Variants in GALC observed in about 807,000 individuals in gnomAD.
GALC encodes the protein galactosylceramidase, also known as galactocerebrosidase.
GALC carries 77 observed loss-of-function variants against 91.8 expected under a neutral mutation model. The observed-to-expected ratio is 0.84, with a 90% confidence interval of 0.70 to 1.01. The LOEUF (loss-of-function observed/expected upper bound fraction) is 1.01. Ranked by LOEUF, GALC falls within the 50% of genes least tolerant of loss-of-function variation. GALC has a pLI of 0.00. For missense variants in GALC, 882 were observed against 855.9 expected (o/e 1.03, Z -0.38); for synonymous variants, 357 against 306.7 (o/e 1.16, Z -1.71).
At chr14:87,949,996 A>T in intron 11 of GALC, 65 bp from the exon 12 acceptor site, 1 of 812,044 alleles carries the variant, frequency 1.2e-6, no homozygotes, top group Admixed American at 1.7e-5. Flanking sequence ...GGATTTCCAA[A>T]ATCAGTACCA....
rs1361659728 is a variant in GALC at position 87,962,636 on chromosome 14, G to A, written c.1161+748C>T. 7.4e-5 allele frequency among the ~76,000 whole-genome samples: 11 copies of A among 148,900 alleles called. No homozygotes were observed. The East Asian group carries it at 2.2e-3, about 30-fold the overall frequency. ...ACACACACACACACCATTTTTTTAAGGCTACTCTGTTCTCTGTTTTGGATC... is the reference window on the plus strand; with the variant it reads ...ACACACACACACACCATTTTTTTAAAGCTACTCTGTTCTCTGTTTTGGATC... On this transcript the variant is annotated intron_variant, in intron 10 of 16. Coordinates refer to ENST00000261304, the MANE Select transcript of GALC (RefSeq NM_000153.4).
In GALC at chr14:87,950,886, T is replaced by A. The variant is rs1325268735; in HGVS notation, c.1162-138A>T. The A allele has an allele frequency of 3.4e-5, 21 of 619,180 alleles. No individual in the cohort carries two copies. In the South Asian group the frequency reaches 4.0e-4, roughly 12 times the overall value. The allele number at this position is 619,180 out of a possible 1,614,324, so 38.4% of individuals were successfully genotyped here. A position where few individuals can be genotyped will look rare whatever the true frequency, so the allele number is the denominator to read the frequency against. On this transcript the variant is annotated intron_variant, in intron 10 of 16. Coordinates refer to ENST00000261304, the MANE Select transcript of GALC (RefSeq NM_000153.4). ...CAAATATGAGTTTATTTCACATTTT[T>A]AAAGACTTTTTTACAATATAATATT...
intron 10 of GALC, chr14:87,953,144 T>G: frequency 1.4e-6 from 2 of 1,471,096 alleles, no homozygotes; most frequent in East Asian, 2.3e-5. Flanking sequence ...ACACAGTAGA[T>G]AAGCCAAGGT....
Position 87,934,233 on chromosome 14 carries a change from A to AT in GALC, c.*498dup. The AT allele has an allele frequency of 7.3e-7, 1 of 1,371,890 alleles. No homozygotes were observed. The highest frequency in any genetic ancestry group is 1.5e-5 in the African/African-American group (1 of 68,242). The allele number at this position is 1,371,890 out of a possible 1,614,324, so 85.0% of individuals were successfully genotyped here. A position where few individuals can be genotyped will look rare whatever the true frequency, so the allele number is the denominator to read the frequency against. On this transcript the variant is annotated 3_prime_UTR_variant, in exon 17 of 17. Transcript: ENST00000261304. ...AAAAATACTTTTTAGAGCATAAAGC[A>AT]TAACAGGTTGAAGTGGTTTTCAAAA... is the stretch of plus-strand genomic sequence containing the variant.
chr14:87,946,887 T>C (rs918574620), intron 13 of GALC, among the ~76,000 whole-genome samples: 2 of 151,832 alleles, frequency 1.3e-5, no homozygotes, highest in Non-Finnish European at 2.9e-5. Context: ...TCCAGCCAAC[T>C]AGATCATTTC....
intron 13 of GALC, among the ~76,000 whole-genome samples, chr14:87,946,990 G>C (rs1021766177): frequency 3.3e-5 from 5 of 151,866 alleles, no homozygotes; most frequent in African/African-American, 1.2e-4. Context: ...GCAGCAAACA[G>C]GAGCTTCAAG....
intron 1 of GALC, 63 bp downstream of exon 1, chr14:87,992,907 G>A: frequency 6.8e-7 from 1 of 1,460,002 alleles, no homozygotes; most frequent in Non-Finnish European, 9.0e-7. Context: ...GGGGGCTTGT[G>A]GGGCTGGCCC....
At chr14:87,988,677 T>C (rs1887072396) in intron 1 of GALC, among the ~76,000 whole-genome samples, 154 bp from the exon 2 acceptor site, 1 of 152,232 alleles carries the variant, frequency 6.6e-6, no homozygotes, top group Non-Finnish European at 1.5e-5. Flanking sequence ...GTCTGCCCTT[T>C]CTGTGCCAAT....
chr14:87,934,003 GA>G lies in GALC; in HGVS notation c.*728del. 1 of 1,534,112 alleles carries G rather than the reference GA, an allele frequency of 6.5e-7. No homozygotes were observed. Among genetic ancestry groups the G allele is most frequent in the Non-Finnish European group, 8.7e-7 (1 of 1,145,648 alleles). ...TTTTCTTCCTTCTTCCAGCCACCTG[GA>G]AAAACGTTCACAGAGAGTTATAGTG... On this transcript the variant is annotated 3_prime_UTR_variant, in exon 17 of 17. Transcript: ENST00000261304.
At chr14:87,978,606 T>C (rs972912344) in intron 6 of GALC, among the ~76,000 whole-genome samples, 1 of 152,234 alleles carries the variant, frequency 6.6e-6, no homozygotes, top group African/African-American at 2.4e-5. Context: ...ATTATGTTTT[T>C]GTTTTGGAAC....
chr14:87,954,228 A>C, intron 10 of GALC: 1 of 1,541,144 alleles, frequency 6.5e-7, no homozygotes, highest in South Asian at 1.1e-5. Flanking sequence ...GAGGGTGAAC[A>C]GTATAGACTT....
At chr14:87,945,514 G>GT (rs1885035698) in intron 14 of GALC, 39 bp downstream of exon 14, 6 of 1,403,312 alleles carry the variant, frequency 4.3e-6, no homozygotes, top group Non-Finnish European at 6.1e-6. Flanking sequence ...TATTACAAGG[G>GT]TATTTCAGCC....
chr14:87,940,054 G>T, intron 15 of GALC, 73 bp from the exon 16 acceptor site: 1 of 1,190,014 alleles, frequency 8.4e-7, no homozygotes. Flanking sequence ...AATTCAGTGG[G>T]GTTCTTGAGT....
Position 87,993,093 on chromosome 14 carries a change from C to G in GALC, c.72G>C (p.Ala24=), listed in dbSNP as rs1184434539. 1 of 1,585,760 alleles carries G rather than the reference C, an allele frequency of 6.3e-7. No individual in the cohort carries two copies. Residue 24 remains alanine, a synonymous_variant, in exon 1 of 17, where the codon GCG becomes GCC. Coordinates refer to ENST00000261304, the MANE Select transcript of GALC (RefSeq NM_000153.4). The stretch of plus-strand genomic sequence containing the variant: ...GCAGCAAGGGCACCGCGGCGCGGCC[C>G]GCCGAACCCGCGGCCGCAGTCATAG... The part of the protein sequence containing the change: ...AKAMTAAAGS[A]GRAAVPLLLC...
rs1292976689 is a variant in GALC, at chr14:87,968,455, G to C, written c.788C>G (p.Ala263Gly). ...CCAAAGCTTCTTCCCAGTCAACTTT[G>C]CATCTTTTGCTGAATGGGTTCCAGG... ...HYPGTHSAKD[A>G]KLTGKKLWSS... Residue 263 changes from alanine to glycine, a missense_variant, in exon 8 of 17, where the codon GCA becomes GGA. Transcript: ENST00000261304. The C allele has an allele frequency of 1.2e-6, 2 of 1,613,596 alleles. No homozygotes were observed. Among genetic ancestry groups the C allele is most frequent in the Non-Finnish European group, 1.7e-6 (2 of 1,179,844 alleles).
intron 10 of GALC, chr14:87,954,662 G>T: frequency 6.4e-7 from 1 of 1,573,612 alleles, no homozygotes; most frequent in Non-Finnish European, 8.7e-7. Flanking sequence ...TTCAGGAGTG[G>T]TTCTAATTAA....
At chr14:87,992,375 T>C (rs1270440598) in intron 1 of GALC, 3 of 1,535,586 alleles carry the variant, frequency 2.0e-6, no homozygotes, top group Admixed American at 3.9e-5. Flanking sequence ...CTCGCTTATC[T>C]TCCTTTTAAA....
At chr14:87,953,729 T>C (rs1885403359) in intron 10 of GALC, 7 of 1,607,252 alleles carry the variant, frequency 4.4e-6, no homozygotes, top group Non-Finnish European at 5.9e-6. Context: ...GATTCTGTTG[T>C]AGAAATGGAT....
chr14:87,945,635 G>C lies in GALC; in HGVS notation c.1588C>G (p.Leu530Val). 1 of 1,609,480 alleles carries C rather than the reference G, an allele frequency of 6.2e-7. No individual in the cohort carries two copies. Among genetic ancestry groups the C allele is most frequent in the Non-Finnish European group, 8.5e-7 (1 of 1,176,086 alleles). ...GGTCTCTGGTTGAGAACTTGGCGTA[G>C]CGTGAAGTGATGCTCGCCAGGGTCT... ...IEDPGEHHFT[L>V]RQVLNQRPIT... The change falls in exon 14 of 17, where the codon CTA becomes GTA. Residue 530 changes from leucine to valine, a missense_variant. Leu to Val is a conservative substitution (Grantham distance 32). Coordinates refer to ENST00000261304, the MANE Select transcript of GALC (RefSeq NM_000153.4).
Sources: allele counts gnomAD v4.1 joint callset (sites outside exome capture counted in the v4.1 genomes callset), GRCh38; gene constraint gnomAD v4.1.1; transcripts MANE v1.5; gene names NCBI Gene and HGNC (gene_info 2026-07-23, HGNC 2026-07-21).